KLHDC1: variants seen among roughly 807,000 people sequenced by gnomAD.
KLHDC1 encodes the protein kelch domain-containing protein 1.
In KLHDC1, 53 loss-of-function variants were observed where a neutral mutation model predicts 68.3. The ratio of observed to expected loss-of-function variants is 0.78; its 90% CI spans 0.62 to 0.98. KLHDC1 has a LOEUF of 0.98. Among genes scored for constraint, KLHDC1 ranks in the 50% least tolerant of loss-of-function variants. The pLI is 0.00. For synonymous variants in KLHDC1, 148 were observed against 159.0 expected (o/e 0.93, Z 0.52); for missense variants, 470 against 492.3 (o/e 0.95, Z 0.43).
rs955873634 is a variant in KLHDC1 at position 49,707,270 on chromosome 14, TTA to T, written c.97-1887_97-1886del. Among the ~76,000 whole-genome samples, 58 of 147,592 alleles carry T rather than the reference TTA, an allele frequency of 3.9e-4. 1 individual carries two copies. Among genetic ancestry groups the T allele is most frequent in the African/African-American group, 1.5e-3 (58 of 39,162 alleles). On this transcript the variant is annotated intron_variant, in intron 1 of 12. Transcript: ENST00000359332. ...GAACTAATACAACGCTTTTCTATTT[TTA>T]TGTGTGTGTGTGTGTGTGTGTGTGT...
chr14:49,707,458 C>T (rs1888084674), intron 1 of KLHDC1, among the ~76,000 whole-genome samples: 1 of 148,860 alleles, frequency 6.7e-6, no homozygotes, highest in Admixed American at 6.8e-5. Flanking sequence ...AGCGATTCTC[C>T]TGCCTCAGCC....
chr14:49,697,385 C>T (rs1226490777), intron 1 of KLHDC1, among the ~76,000 whole-genome samples: 1 of 151,988 alleles, frequency 6.6e-6, no homozygotes, highest in Admixed American at 6.6e-5. Context: ...TTATGGTGCC[C>T]CAAAACAATT....
chr14:49,709,269 C>T (rs769668371), intron 2 of KLHDC1, 40 bp downstream of exon 2: 1 of 850,846 alleles, frequency 1.2e-6, no homozygotes, highest in Admixed American at 2.4e-5. Flanking sequence ...ATCTTAATAT[C>T]TATTATAAAT....
chr14:49,736,535 A>G (rs965392550), intron 10 of KLHDC1, among the ~76,000 whole-genome samples: 13 of 152,224 alleles, frequency 8.5e-5, no homozygotes, highest in Non-Finnish European at 1.9e-4. Context: ...TGTAAGGAGA[A>G]CATATATATG....
chr14:49,731,389 C>T (rs1888805082), intron 8 of KLHDC1, among the ~76,000 whole-genome samples: 1 of 152,192 alleles, frequency 6.6e-6, no homozygotes, highest in Admixed American at 6.5e-5. Context: ...TGGAACATTC[C>T]AGACTGTGGA....
chr14:49,726,285 G>T (rs1260842241), intron 6 of KLHDC1, among the ~76,000 whole-genome samples: 1 of 152,204 alleles, frequency 6.6e-6, no homozygotes, highest in Non-Finnish European at 1.5e-5. Flanking sequence ...GGAGGCTGAG[G>T]CAGGAGGATC....
intron 4 of KLHDC1, among the ~76,000 whole-genome samples, chr14:49,722,023 C>T (rs1037552971): frequency 1.3e-5 from 2 of 152,222 alleles, no homozygotes; most frequent in African/African-American, 4.8e-5. Context: ...TTTCTCAGCT[C>T]TCCTCTGCCT....
At chr14:49,696,384 A>G (rs1887742992) in intron 1 of KLHDC1, among the ~76,000 whole-genome samples, 1 of 152,004 alleles carries the variant, frequency 6.6e-6, no homozygotes, top group South Asian at 2.1e-4. Context: ...TATTTTCACC[A>G]TATTGGCCAG....
intron 4 of KLHDC1, among the ~76,000 whole-genome samples, chr14:49,723,264 A>G (rs1017544660): frequency 2.1e-5 from 3 of 146,040 alleles, no homozygotes; most frequent in Admixed American, 1.4e-4. Context: ...CAGCCAAACC[A>G]TATCGCGCCT....
chr14:49,702,398 GAGA>G (rs139806910), intron 1 of KLHDC1, among the ~76,000 whole-genome samples: 5,478 of 152,144 alleles, frequency 0.036, 327 homozygotes, highest in African/African-American at 0.12. Flanking sequence ...CCTTTTTGAG[GAGA>G]AATTTAGCAA....
chr14:49,698,330 A>G (rs1887800746), intron 1 of KLHDC1, among the ~76,000 whole-genome samples: 3 of 151,486 alleles, frequency 2.0e-5, no homozygotes, highest in African/African-American at 7.3e-5. Flanking sequence ...CAACCTCCCT[A>G]GTAGCTGGGA....
chr14:49,745,019 T>C (rs768211437), intron 12 of KLHDC1, among the ~76,000 whole-genome samples: 19 of 151,994 alleles, frequency 1.3e-4, no homozygotes, highest in Non-Finnish European at 2.4e-4. Context: ...CCTGTGAGAG[T>C]TGGGAGGAAG....
At chr14:49,719,964 A>G (rs1293545159) in intron 4 of KLHDC1, among the ~76,000 whole-genome samples, 1 of 148,576 alleles carries the variant, frequency 6.7e-6, no homozygotes, top group African/African-American at 2.5e-5. Flanking sequence ...TAGGACTACA[A>G]GTGCATGCCA....
Position 49,751,941 on chromosome 14 carries a change from G to T in KLHDC1, c.*169G>T. 1 of 364,474 alleles carries T rather than the reference G, an allele frequency of 2.7e-6. No homozygotes were observed. Among genetic ancestry groups the T allele is most frequent in the Non-Finnish European group, 5.0e-6 (1 of 199,322 alleles). 22.6% of individuals were successfully genotyped at this position (364,474 alleles called of 1,614,324 possible). ...GGATATATGGAAAAAAGATATTAAT[G>T]CAGATTAATTTATATTTGTAAACAA... On this transcript the variant is annotated 3_prime_UTR_variant, in exon 13 of 13. Coordinates refer to ENST00000359332, the MANE Select transcript of KLHDC1 (RefSeq NM_172193.3).
chr14:49,712,181 G>A (rs557163966), intron 4 of KLHDC1, among the ~76,000 whole-genome samples: 115 of 152,120 alleles, frequency 7.6e-4, no homozygotes, highest in Non-Finnish European at 1.4e-3. Context: ...GCCTCCCAAC[G>A]TGCTGGGATT....
intron 4 of KLHDC1, among the ~76,000 whole-genome samples, chr14:49,714,971 A>G (rs1888332285): frequency 6.8e-6 from 1 of 147,266 alleles, no homozygotes; most frequent in Admixed American, 6.8e-5. Flanking sequence ...TATGGAAATT[A>G]TATATATACT....
intron 4 of KLHDC1, among the ~76,000 whole-genome samples, chr14:49,712,395 C>T (rs1002097550): frequency 4.6e-5 from 7 of 152,152 alleles, no homozygotes; most frequent in African/African-American, 1.7e-4. Context: ...TTCATCTACA[C>T]CTTCTATTTT....
At chr14:49,743,399 CAAAAAAAAAAA>C (rs956715386) in intron 11 of KLHDC1, among the ~76,000 whole-genome samples, 2 of 68,782 alleles carry the variant, frequency 2.9e-5, no homozygotes, top group African/African-American at 9.8e-5. Context: ...GACTCCATCT[CAAAAAAAAAAA>C]AAAAAAGAAA....
chr14:49,732,269 T>C (rs1416219145), intron 8 of KLHDC1, among the ~76,000 whole-genome samples: 1 of 151,922 alleles, frequency 6.6e-6, no homozygotes, highest in Non-Finnish European at 1.5e-5. Flanking sequence ...ACCTCCCAGG[T>C]TCAAGCAATT....
Sources: allele counts gnomAD v4.1 joint callset (sites outside exome capture counted in the v4.1 genomes callset), GRCh38; gene constraint gnomAD v4.1.1; transcripts MANE v1.5; gene names NCBI Gene and HGNC (gene_info 2026-07-23, HGNC 2026-07-21).